The following CLIC5 variants were observed in gnomAD, a reference collection of about 807,000 sequenced individuals.
CLIC5 encodes the protein chloride intracellular channel protein 5.
Under a neutral mutation model 24.7 loss-of-function variants are expected in CLIC5, and 20 were observed. The observed-to-expected ratio is 0.81, with a 90% CI of 0.57 to 1.18. The LOEUF is 1.18. Ranked by LOEUF, CLIC5 falls within the 50% of genes most tolerant of loss-of-function variation. The pLI, the probability that CLIC5 is intolerant of heterozygous loss-of-function variation, is 0.00. For synonymous variants in CLIC5, 159 were observed against 135.6 expected (o/e 1.17, Z -1.20); for missense variants, 341 against 326.1 (o/e 1.05, Z -0.35).
chr6:45,974,452 T>A (rs1351859220), intron 1 of CLIC5, among the ~76,000 whole-genome samples: 1 of 148,966 alleles, frequency 6.7e-6, no homozygotes, highest in African/African-American at 2.5e-5. Context: ...CAACAATATG[T>A]TTTTCATGTC....
chr6:46,009,953 T>A (rs1035726972), intron 1 of CLIC5, among the ~76,000 whole-genome samples: 3 of 152,162 alleles, frequency 2.0e-5, no homozygotes, highest in Non-Finnish European at 2.9e-5. Flanking sequence ...TGGGCTCTAG[T>A]GGGCTCCAGC....
rs1043320277 is a variant in CLIC5 at position 45,899,327 on chromosome 6, G to A, written c.*3761C>T. On this transcript the variant is annotated 3_prime_UTR_variant, in exon 6 of 6. Transcript: ENST00000339561. ...GATCCCTTGGGAATCATTGTACTTA[G>A]TTTTAACCATGAGTTAACATTTCCT... 1 of 152,194 alleles carries A rather than the reference G, an allele frequency of 6.6e-6. No homozygotes were observed. The highest frequency in any genetic ancestry group is 1.5e-5 in the Non-Finnish European group (1 of 68,038). The allele number at this position is 152,194 out of a possible 1,614,324, so 9.4% of individuals were successfully genotyped here. A position where few individuals can be genotyped will look rare whatever the true frequency, so the allele number is the denominator to read the frequency against.
At chr6:46,012,710 T>A (rs1217050225) in intron 1 of CLIC5, among the ~76,000 whole-genome samples, 1 of 152,356 alleles carries the variant, frequency 6.6e-6, no homozygotes, top group Non-Finnish European at 1.5e-5. Flanking sequence ...TTGGGCATTT[T>A]ACCTACTTTC....
intron 4 of CLIC5, among the ~76,000 whole-genome samples, chr6:45,915,955 G>T (rs114587074): frequency 6.6e-6 from 1 of 152,148 alleles, no homozygotes; most frequent in African/African-American, 2.4e-5. Context: ...AATGGAAGTC[G>T]ATCCTGCTGT....
chr6:46,006,123 AATACATATATATATATAT>A (rs1178475636), intron 1 of CLIC5, among the ~76,000 whole-genome samples: 2 of 17,360 alleles, frequency 1.2e-4, no homozygotes, highest in Admixed American at 8.9e-4. Flanking sequence ...CACATGTATA[AATACATATATATATATAT>A]ATATATATAT....
chr6:45,883,357 A>G (rs1392338192), intron 6 of CLIC5, among the ~76,000 whole-genome samples: 3 of 152,174 alleles, frequency 2.0e-5, no homozygotes, highest in Admixed American at 6.5e-5. Flanking sequence ...CTCACTAGCC[A>G]TTCCGATAAT....
the CLIC5 span, among the ~76,000 whole-genome samples, chr6:46,115,794 C>T: frequency 6.6e-6 from 1 of 152,182 alleles, no homozygotes; most frequent in Non-Finnish European, 1.5e-5. Context: ...ACCAGTTACA[C>T]CCAGGTGCCT....
chr6:46,056,073 A>G (rs1444162526), intron 1 of CLIC5, among the ~76,000 whole-genome samples: 2 of 152,216 alleles, frequency 1.3e-5, no homozygotes, highest in African/African-American at 4.8e-5. Context: ...AAAATGGTGC[A>G]GATGTTAAAT....
chr6:46,065,045 G>C (rs2127471931), intron 1 of CLIC5, among the ~76,000 whole-genome samples: 1 of 152,208 alleles, frequency 6.6e-6, no homozygotes, highest in African/African-American at 2.4e-5. Flanking sequence ...AAATTGTCTT[G>C]ACTATATAAA....
intron 6 of CLIC5, among the ~76,000 whole-genome samples, chr6:45,883,542 T>C (rs989435726): frequency 6.6e-6 from 1 of 152,206 alleles, no homozygotes; most frequent in South Asian, 2.1e-4. Flanking sequence ...AGAAAGGCTT[T>C]ATCTATTGTT....
chr6:46,078,690 T>A (rs188527543), intron 1 of CLIC5, among the ~76,000 whole-genome samples: 7 of 152,342 alleles, frequency 4.6e-5, no homozygotes, highest in African/African-American at 1.7e-4. Context: ...GTGTCTGGTA[T>A]GTATGTGTGA....
intron 4 of CLIC5, among the ~76,000 whole-genome samples, chr6:45,919,821 A>T (rs929493847): frequency 3.9e-5 from 6 of 152,228 alleles, no homozygotes; most frequent in African/African-American, 1.4e-4. Context: ...TTTTACAGAA[A>T]TCCTAATCTC....
intron 1 of CLIC5, among the ~76,000 whole-genome samples, chr6:46,003,677 G>C (rs951769707): frequency 6.6e-6 from 1 of 152,182 alleles, no homozygotes; most frequent in Non-Finnish European, 1.5e-5. Flanking sequence ...ATGGGGCCTG[G>C]TTAGGTTAAG....
intron 1 of CLIC5, among the ~76,000 whole-genome samples, chr6:46,051,624 C>A (rs1218351696): frequency 6.6e-6 from 1 of 152,152 alleles, no homozygotes; most frequent in Non-Finnish European, 1.5e-5. Context: ...TTAGAGAATG[C>A]TCAAATGTCT....
At chr6:46,116,259 T>G in the CLIC5 span, among the ~76,000 whole-genome samples, 3 of 152,170 alleles carry the variant, frequency 2.0e-5, no homozygotes, top group South Asian at 6.2e-4. Context: ...TTTTTTCTGA[T>G]TTTTAGTTTG....
At chr6:45,928,841 T>C (rs1204036570) in intron 4 of CLIC5, among the ~76,000 whole-genome samples, 2 of 151,918 alleles carry the variant, frequency 1.3e-5, no homozygotes, top group East Asian at 3.9e-4. Context: ...ATGTGTAGAC[T>C]GCACAAAGAC....
chr6:45,887,089 T>C (rs1762311388), intron 6 of CLIC5, among the ~76,000 whole-genome samples: 1 of 152,218 alleles, frequency 6.6e-6, no homozygotes, highest in Non-Finnish European at 1.5e-5. Flanking sequence ...TTCCATTTTG[T>C]CTGGGAATAT....
At chr6:45,892,054 A>G (rs983933874) in intron 6 of CLIC5, 19 of 152,174 alleles carry the variant, frequency 1.2e-4, no homozygotes, top group African/African-American at 4.6e-4. Context: ...ATCAACTCAC[A>G]ACATTTTTCA....
rs558199513 is a variant in CLIC5, at chr6:46,062,561, T to C, written c.540+17142A>G. ...GCAGAAGGGCACTGCTTATAAAGCATAAAAGTGGGACATGCCTTCGAGCCC... is the reference window on the plus strand; with the variant it reads ...GCAGAAGGGCACTGCTTATAAAGCACAAAAGTGGGACATGCCTTCGAGCCC... On this transcript the variant is annotated intron_variant, in intron 1 of 5. Coordinates refer to the CLIC5 transcript ENST00000185206. Among the ~76,000 whole-genome samples, 15 of 152,338 alleles carry C rather than the reference T, an allele frequency of 9.8e-5. No individual in the cohort carries two copies. The South Asian group carries it at 2.9e-3, about 29-fold the overall frequency.
Sources: allele counts gnomAD v4.1 joint callset (sites outside exome capture counted in the v4.1 genomes callset), GRCh38; gene constraint gnomAD v4.1.1; transcripts MANE v1.5; gene names NCBI Gene and HGNC (gene_info 2026-07-23, HGNC 2026-07-21).